Variants in TGS1 observed in about 807,000 individuals in gnomAD.
TGS1 encodes trimethylguanosine synthase.
Under a neutral mutation model 92.2 loss-of-function variants are expected in TGS1, and 69 were observed. The observed-to-expected ratio is 0.75, with a 90% CI of 0.62 to 0.91. The LOEUF (loss-of-function observed/expected upper bound fraction) is 0.91, where lower values mean the gene tolerates loss of function less well. Ranked by LOEUF, TGS1 falls within the 40% of genes least tolerant of loss-of-function variation. TGS1 has a pLI of 0.00. For missense variants in TGS1, 1,062 were observed against 1,001.2 expected (o/e 1.06, Z -0.82); for synonymous variants, 345 against 338.1 (o/e 1.02, Z -0.22).
At chr8:55,808,724 G>A (rs1803255142) in intron 10 of TGS1, among the ~76,000 whole-genome samples, 1 of 151,968 alleles carries the variant, frequency 6.6e-6, no homozygotes, top group South Asian at 2.1e-4. Flanking sequence ...GGCCAGGGTG[G>A]TCTCGAACTC....
chr8:55,775,631 GATT>G (rs965602767), intron 1 of TGS1, among the ~76,000 whole-genome samples: 1 of 152,194 alleles, frequency 6.6e-6, no homozygotes, highest in African/African-American at 2.4e-5. Context: ...ACGGAGAAGA[GATT>G]ATGAGTTTGA....
rs191124044 is a variant in TGS1, at chr8:55,811,571, C to T, written c.2360+474C>T. Among the ~76,000 whole-genome samples, 45 of 152,010 alleles carry T rather than the reference C, an allele frequency of 3.0e-4. No homozygotes were observed. The East Asian group carries it at 8.2e-3, about 28-fold the overall frequency. ...GGTCAGGAGATCGAGACCATCCTGG[C>T]TAACACGGTGAAACCTCATCTCTAC... On this transcript the variant is annotated intron_variant, in intron 11 of 12. Coordinates refer to ENST00000260129, the MANE Select transcript of TGS1 (RefSeq NM_024831.8).
chr8:55,785,203 T>TA (rs1273608195), intron 2 of TGS1, among the ~76,000 whole-genome samples: 3 of 151,910 alleles, frequency 2.0e-5, no homozygotes, highest in African/African-American at 7.3e-5. Context: ...TAGCTGGAAT[T>TA]ACAGCCTGGG....
chr8:55,820,832 CG>C (rs923705082), intron 12 of TGS1, among the ~76,000 whole-genome samples: 1 of 152,126 alleles, frequency 6.6e-6, no homozygotes, highest in Non-Finnish European at 1.5e-5. Context: ...TTGTACCTGC[CG>C]TTCTCCCTCT....
At position 55,786,668 on chromosome 8, in the gene TGS1, C is replaced by T. The variant is rs201572605; in HGVS notation, c.770C>T (p.Ala257Val). ...TTGGAACAATTTCAGTATTGGGAAG[C>T]TCAGGGTTGGACTTTTGATGCCTCG... ...YYLEQFQYWE[A>V]QGWTFDASQS... Residue 257 changes from alanine to valine, a missense_variant, in exon 4 of 13, where the codon GCT becomes GTT. Ala to Val is a moderately conservative substitution (Grantham distance 64). Coordinates refer to ENST00000260129, the MANE Select transcript of TGS1 (RefSeq NM_024831.8). 68 of 1,613,982 alleles carry T rather than the reference C, an allele frequency of 4.2e-5. 1 individual carries two copies. The highest frequency in any genetic ancestry group is 1.5e-5 in the Non-Finnish European group (18 of 1,180,024).
intron 9 of TGS1, among the ~76,000 whole-genome samples, chr8:55,803,949 A>G (rs1812291610): frequency 6.6e-6 from 1 of 151,904 alleles, no homozygotes; most frequent in African/African-American, 2.4e-5. Flanking sequence ...CCAGCACATC[A>G]TTTTGTTCAG....
intron 12 of TGS1, among the ~76,000 whole-genome samples, chr8:55,820,431 G>A (rs899672531): frequency 2.0e-5 from 3 of 152,000 alleles, no homozygotes; most frequent in Admixed American, 6.6e-5. Context: ...CCAGCTACTC[G>A]GCAGGCTGAG....
At chr8:55,810,761 TCTC>T (rs1253452708) in intron 10 of TGS1, 117 bp from the exon 11 acceptor site, 53 of 786,286 alleles carry the variant, frequency 6.7e-5, no homozygotes, top group Non-Finnish European at 1.0e-4. Context: ...TGGCCAAATG[TCTC>T]CTCCTCTTTA....
In TGS1 at chr8:55,802,458, T is replaced by C; in HGVS notation, c.1851T>C (p.Ala617=). 6.2e-7 allele frequency: 1 copy of C among 1,612,580 alleles called. No individual in the cohort carries two copies. Among genetic ancestry groups the C allele is most frequent in the Non-Finnish European group, 8.5e-7 (1 of 1,179,228 alleles). Reference sequence around the variant, plus strand: ...TATATTCTTTGTATTTTATTTTAGCTGAAGTGAAAAAGAAGAAGAACAAGA... The same window carrying C: ...TATATTCTTTGTATTTTATTTTAGCCGAAGTGAAAAAGAAGAAGAACAAGA... ...VPDSRQAETE[A]EVKKKKNKKK... The change falls in exon 9 of 13, where the codon GCT becomes GCC. Residue 617 remains alanine (A), a splice_region_variant and synonymous_variant. Transcript: ENST00000260129.
chr8:55,789,149 T>C (rs1018572289), intron 4 of TGS1, among the ~76,000 whole-genome samples: 23 of 152,336 alleles, frequency 1.5e-4, no homozygotes, highest in African/African-American at 5.1e-4. Context: ...TTTCTACTCT[T>C]TGTGGTTGGT....
At chr8:55,782,858 C>T (rs1371579717) in intron 2 of TGS1, 46 bp downstream of exon 2, 22 of 1,240,708 alleles carry the variant, frequency 1.8e-5, no homozygotes, top group Non-Finnish European at 2.5e-5. Context: ...TGAAATTAGC[C>T]ATAATGTGTT....
rs1174473250 is a variant in TGS1 at position 55,786,412 on chromosome 8, C to T, written c.514C>T (p.Gln172Ter). The change falls in exon 4 of 13, where the codon CAA (glutamine) becomes TAA (stop). Residue 172 changes from glutamine to a stop codon, truncating the protein, a stop_gained. Coordinates refer to ENST00000260129, the MANE Select transcript of TGS1 (RefSeq NM_024831.8). LOFTEE classifies it high-confidence loss of function. ...QYENTRTYELQSKKDTETENP... is the reference protein window; with the variant it reads ...QYENTRTYEL ...TGAGAACACCAGAACATATGAACTTCAAAGCAAAAAAGATACTGAGACAGA... is the reference window on the plus strand; with the variant it reads ...TGAGAACACCAGAACATATGAACTTTAAAGCAAAAAAGATACTGAGACAGA... The T allele has an allele frequency of 6.2e-7, 1 of 1,613,048 alleles. No individual in the cohort carries two copies. Among genetic ancestry groups the T allele is most frequent in the African/African-American group, 1.3e-5 (1 of 74,912 alleles).
Position 55,786,908 on chromosome 8 carries a change from A to G in TGS1, c.1010A>G (p.Asp337Gly), listed in dbSNP as rs752968715. Residue 337 changes from aspartate (D) to glycine (G), a missense_variant, in exon 4 of 13, where the codon GAT (aspartate) becomes GGT (glycine). Coordinates refer to ENST00000260129, the MANE Select transcript of TGS1 (RefSeq NM_024831.8). Reference sequence around the variant, plus strand: ...GAGGAAGTAACACAGAGCCAATTAGATTCCTGTACAAGTCATGATGGTCAT... The same window carrying G: ...GAGGAAGTAACACAGAGCCAATTAGGTTCCTGTACAAGTCATGATGGTCAT... ...NSEEVTQSQL[D>G]SCTSHDGHQQ... The G allele has an allele frequency of 7.4e-6, 12 of 1,614,046 alleles. No homozygotes were observed. In the Middle Eastern group the frequency reaches 6.6e-4, roughly 88 times the overall value.
At position 55,824,837 on chromosome 8, in the gene TGS1, G is replaced by T; in HGVS notation, c.*134G>T. ...TCACCGTATGAAATGGAAACTTACA[G>T]GACTTAAATATCAGTGAAATATTTT... On this transcript the variant is annotated 3_prime_UTR_variant, in exon 13 of 13. Transcript: ENST00000260129. The T allele has an allele frequency of 1.0e-6, 1 of 956,126 alleles. No individual in the cohort carries two copies. The highest frequency in any genetic ancestry group is 1.5e-6 in the Non-Finnish European group (1 of 652,906). The allele number at this position is 956,126 out of a possible 1,614,324, so 59.2% of individuals were successfully genotyped here.
intron 12 of TGS1, among the ~76,000 whole-genome samples, chr8:55,823,232 C>T (rs1803697774): frequency 6.6e-6 from 1 of 152,126 alleles, no homozygotes; most frequent in Admixed American, 6.6e-5. Context: ...AAAACAAAAC[C>T]TTATCTGTAT....
At chr8:55,777,386 A>G (rs1161171875) in intron 1 of TGS1, among the ~76,000 whole-genome samples, 2 of 151,492 alleles carry the variant, frequency 1.3e-5, no homozygotes, top group African/African-American at 2.4e-5. Flanking sequence ...CAGCAAGAAT[A>G]CTGTTGGTAT....
chr8:55,798,025 A>G (rs1262698179), intron 7 of TGS1, among the ~76,000 whole-genome samples: 1 of 152,234 alleles, frequency 6.6e-6, no homozygotes, highest in East Asian at 1.9e-4. Context: ...TAGTCCAGTC[A>G]GTGCCATAGG....
chr8:55,806,356 C>CAAAAAAAAAAA (rs1047234489), intron 10 of TGS1, among the ~76,000 whole-genome samples: 1 of 38,998 alleles, frequency 2.6e-5, no homozygotes, highest in Non-Finnish European at 5.3e-5. Flanking sequence ...GACTCCACCT[C>CAAAAAAAAAAA]AAAAAAAAAA....
intron 1 of TGS1, among the ~76,000 whole-genome samples, chr8:55,776,031 C>G (rs1563447393): frequency 6.6e-6 from 1 of 152,110 alleles, no homozygotes; most frequent in Non-Finnish European, 1.5e-5. Flanking sequence ...GAACCGCAGA[C>G]AAAACCCCTC....
Sources: allele counts gnomAD v4.1 joint callset (sites outside exome capture counted in the v4.1 genomes callset), GRCh38; gene constraint gnomAD v4.1.1; transcripts MANE v1.5; gene names NCBI Gene and HGNC (gene_info 2026-07-23, HGNC 2026-07-21).